CTDP1: variants seen among roughly 807,000 people sequenced by gnomAD.
The protein encoded by CTDP1 is RNA polymerase II subunit A C-terminal domain phosphatase.
Under a neutral mutation model 91.8 loss-of-function variants are expected in CTDP1, and 47 were observed. That is an observed-to-expected ratio of 0.51 (90% CI 0.41 to 0.65). The LOEUF is 0.65. CTDP1 is among the 30% of genes least tolerant of loss of function. The probability of loss-of-function intolerance (pLI) is 0.00; values close to 1 mark genes in which losing one functional copy is unlikely to be tolerated. For synonymous variants in CTDP1, 656 were observed against 598.5 expected (o/e 1.10, Z -1.40); for missense variants, 1,272 against 1,373.7 (o/e 0.93, Z 1.17).
At chr18:79,717,762 C>T in intron 9 of CTDP1, 48 bp from the exon 10 acceptor site, 4 of 1,613,688 alleles carry the variant, frequency 2.5e-6, no homozygotes, top group Non-Finnish European at 1.7e-6. Context: ...CAGTGCCCCT[C>T]ATCACCCGGA....
At chr18:79,706,736 T>C (rs2085974567) in intron 5 of CTDP1, among the ~76,000 whole-genome samples, 1 of 152,248 alleles carries the variant, frequency 6.6e-6, no homozygotes, top group African/African-American at 2.4e-5. Flanking sequence ...CTGGGTGAGT[T>C]CCTAAAACCA....
intron 3 of CTDP1, among the ~76,000 whole-genome samples, chr18:79,697,273 A>G (rs2085766843): frequency 6.6e-6 from 1 of 152,166 alleles, no homozygotes; most frequent in South Asian, 2.1e-4. Flanking sequence ...TACAGTGAGA[A>G]AGGCAGCGTG....
rs532737398 is a variant in CTDP1 at position 79,694,521 on chromosome 18, G to A, written c.315-704G>A. On this transcript the variant is annotated intron_variant, in intron 1 of 12. Transcript: ENST00000613122. ...CGGGGTGGGGTGGTCGGAGCAGCCC[G>A]GCTGGGGTGGGAGTGTGGGGGCTGC... Among the ~76,000 whole-genome samples, 687 of 142,076 alleles carry A rather than the reference G, an allele frequency of 4.8e-3. 8 individuals carry two copies. Among genetic ancestry groups the A allele is most frequent in the Middle Eastern group, 0.019 (5 of 258 alleles). 93.2% of individuals were successfully genotyped at this position (142,076 alleles called of 152,430 possible).
Position 79,704,205 on chromosome 18 carries a change from G to A in CTDP1, c.622-562G>A, listed in dbSNP as rs888933701. Among the ~76,000 whole-genome samples the A allele has an allele frequency of 6.6e-5, 10 of 152,216 alleles. 1 individual carries two copies. Among genetic ancestry groups the A allele is most frequent in the Admixed American group, 6.5e-4 (10 of 15,284 alleles). ...TTACACAGTGGGTTTTAAATGCCACGGGTAGCCCCTTGCACCAGTTAGGGT... is the reference window on the plus strand; with the variant it reads ...TTACACAGTGGGTTTTAAATGCCACAGGTAGCCCCTTGCACCAGTTAGGGT... On this transcript the variant is annotated intron_variant, in intron 4 of 12. Transcript: ENST00000613122.
At chr18:79,744,122 T>A (rs2086834460) in intron 12 of CTDP1, among the ~76,000 whole-genome samples, 1 of 152,228 alleles carries the variant, frequency 6.6e-6, no homozygotes, top group Non-Finnish European at 1.5e-5. Flanking sequence ...TGTCTACCTG[T>A]GACCTGGAAG....
intron 10 of CTDP1, among the ~76,000 whole-genome samples, chr18:79,721,033 G>T (rs941453525): frequency 2.0e-5 from 3 of 152,322 alleles, no homozygotes; most frequent in African/African-American, 4.8e-5. Context: ...GTCCAGAAGG[G>T]CCCTGAGCAT....
In CTDP1 at chr18:79,704,715, G is replaced by A. The variant is rs2242176; in HGVS notation, c.622-52G>A. On this transcript the variant is annotated intron_variant, in intron 4 of 12. Coordinates refer to ENST00000613122, the MANE Select transcript of CTDP1 (RefSeq NM_004715.5). ...TCTCGGGCACACAGGTTGCGGGGGC[G>A]GCCGGGGCTCCTCAGGCCTTTTCTC... The A allele has an allele frequency of 0.049, 79,349 of 1,608,708 alleles. 2,674 individuals are homozygous for A. Among genetic ancestry groups the A allele is most frequent in the South Asian group, 0.15 (13,560 of 91,034 alleles).
upstream of CTDP1, chr18:79,679,410 G>A (rs1205406214): frequency 6.6e-6 from 3 of 456,038 alleles, no homozygotes; most frequent in South Asian, 3.1e-5. Flanking sequence ...CGATGGGAGT[G>A]GAGGAGAGCG....
At chr18:79,725,638 C>A (rs1181707337) in intron 10 of CTDP1, among the ~76,000 whole-genome samples, 2 of 151,856 alleles carry the variant, frequency 1.3e-5, no homozygotes, top group African/African-American at 4.8e-5. Context: ...AGAACTCGAG[C>A]GGAGTCTCCG....
chr18:79,690,966 C>T (rs985191998), intron 1 of CTDP1, among the ~76,000 whole-genome samples: 7 of 152,226 alleles, frequency 4.6e-5, no homozygotes, highest in Non-Finnish European at 7.3e-5. Context: ...GTGCTGCCTG[C>T]GTGCACTGGG....
chr18:79,688,908 C>T (rs992106214), intron 1 of CTDP1, among the ~76,000 whole-genome samples: 8 of 152,224 alleles, frequency 5.3e-5, no homozygotes, highest in African/African-American at 1.9e-4. Context: ...ATTCTCACAC[C>T]AGCTTCACCC....
In CTDP1 at chr18:79,704,264, G is replaced by A. The variant is rs144745738; in HGVS notation, c.622-503G>A. On this transcript the variant is annotated intron_variant, in intron 4 of 12. Coordinates refer to ENST00000613122, the MANE Select transcript of CTDP1 (RefSeq NM_004715.5). ...TATTTGGAGGGTCAGGCGGACATGCGTCCTCTGTCCCACGTGGAGAGGTGT... is the reference window on the plus strand; with the variant it reads ...TATTTGGAGGGTCAGGCGGACATGCATCCTCTGTCCCACGTGGAGAGGTGT... Among the ~76,000 whole-genome samples, 10 of 152,340 alleles carry A rather than the reference G, an allele frequency of 6.6e-5. No individual in the cohort carries two copies. In the East Asian group the frequency reaches 9.6e-4, roughly 15 times the overall value.
At chr18:79,704,622 C>T (rs1006420956) in intron 4 of CTDP1, 145 bp from the exon 5 acceptor site, 215 of 1,045,156 alleles carry the variant, frequency 2.1e-4, no homozygotes, top group African/African-American at 4.5e-4. Context: ...GTCTTCAGGA[C>T]GCCTGTCGGG....
At chr18:79,723,883 C>G (rs1054241772) in intron 10 of CTDP1, among the ~76,000 whole-genome samples, 8 of 152,242 alleles carry the variant, frequency 5.3e-5, no homozygotes, top group South Asian at 2.1e-4. Flanking sequence ...GGAGTTGGCC[C>G]TCCTCCCTCA....
intron 1 of CTDP1, among the ~76,000 whole-genome samples, chr18:79,681,238 C>G (rs1022348221): frequency 3.3e-5 from 5 of 152,248 alleles, no homozygotes. Flanking sequence ...CCTGGCTCCG[C>G]TTCCTTTGGA....
intron 12 of CTDP1, among the ~76,000 whole-genome samples, chr18:79,745,370 T>A (rs1356988267): frequency 1.7e-5 from 1 of 59,052 alleles, no homozygotes; most frequent in Non-Finnish European, 3.1e-5. Flanking sequence ...GCGCGTTCTG[T>A]GCCCGCGTCC....
Position 79,713,504 on chromosome 18 carries a change from G to C in CTDP1, c.1030+366G>C, listed in dbSNP as rs2086123755. 6.6e-6 allele frequency among the ~76,000 whole-genome samples: 1 copy of C among 152,316 alleles called. No homozygotes were observed. Among genetic ancestry groups the C allele is most frequent in the South Asian group, 2.1e-4 (1 of 4,826 alleles). ...GTGAATGTGGGGGCGGTGGCTCTGC[G>C]GGGAATAACCGTTCCCCATGCGCAG... On this transcript the variant is annotated intron_variant, in intron 7 of 12. Coordinates refer to ENST00000613122, the MANE Select transcript of CTDP1 (RefSeq NM_004715.5). This position sits in a 1 kb window ranked among gnomAD's most constrained non-coding sequence, Gnocchi z 4.7.
rs1050309421 is a variant in CTDP1 at position 79,736,312 on chromosome 18, G to A, written c.2581-43G>A. 5 of 1,548,380 alleles carry A rather than the reference G, an allele frequency of 3.2e-6. No homozygotes were observed. The South Asian group carries it at 3.6e-5, about 11-fold the overall frequency. On this transcript the variant is annotated intron_variant, in intron 11 of 12. Transcript: ENST00000613122. ...GAGAAGCCTGTTGCGGAGGAACGGG[G>A]CCCGGGAAGGAGGTCTGTCGCTGAC...
rs1343631593 is a variant in CTDP1, at chr18:79,717,572, C to G, written c.2106C>G (p.His702Gln). 1 of 1,613,866 alleles carries G rather than the reference C, an allele frequency of 6.2e-7. No homozygotes were observed. Among genetic ancestry groups the G allele is most frequent in the East Asian group, 2.2e-5 (1 of 44,884 alleles). The part of the protein sequence containing the change: ...EKVLQAQECG[H>Q]LHVVNPDWLW... The stretch of plus-strand genomic sequence containing the variant: ...TGCTGCAGGCACAGGAGTGCGGACA[C>G]CTGCACGTGGTCAACCCTGACTGGC... Residue 702 changes from histidine to glutamine, a missense_variant, in exon 9 of 13, where the codon CAC (histidine) becomes CAG (glutamine). His to Gln is a conservative substitution (Grantham distance 24, BLOSUM62 0). Coordinates refer to ENST00000613122, the MANE Select transcript of CTDP1 (RefSeq NM_004715.5).
Sources: allele counts gnomAD v4.1 joint callset (sites outside exome capture counted in the v4.1 genomes callset), GRCh38; gene constraint gnomAD v4.1.1; non-coding constraint Gnocchi (gnomAD v3.1); transcripts MANE v1.5; gene names NCBI Gene and HGNC (gene_info 2026-07-23, HGNC 2026-07-21).